FGF14: variants seen among roughly 807,000 people sequenced by gnomAD.
The protein encoded by FGF14 is fibroblast growth factor homologous factor 4.
Under a neutral mutation model 25.5 loss-of-function variants are expected in FGF14, and 5 were observed. That is an observed-to-expected ratio of 0.20 (90% CI 0.10 to 0.41). The LOEUF (loss-of-function observed/expected upper bound fraction) is 0.41. FGF14 is among the 10% of genes least tolerant of loss of function. The pLI is 1.00. For missense variants in FGF14, 222 were observed against 320.1 expected, an observed-to-expected ratio of 0.69 and a Z score of 2.34; for synonymous variants, 138 against 118.3, an observed-to-expected ratio of 1.17 and a Z score of -1.08.
intron 3 of FGF14, among the ~76,000 whole-genome samples, chr13:101,793,885 A>G (rs906985314): frequency 1.3e-5 from 2 of 152,076 alleles, no homozygotes; most frequent in Admixed American, 1.3e-4. Flanking sequence ...CTATATATAT[A>G]TTAGTGAGAC....
At chr13:102,070,956 A>AACAC (rs56002219) in intron 1 of FGF14, among the ~76,000 whole-genome samples, 41 of 148,896 alleles carry the variant, frequency 2.8e-4, no homozygotes, top group East Asian at 9.8e-4. Context: ...AACAAAACAA[A>AACAC]ACACACACAC....
At position 101,721,220 on chromosome 13, in the gene FGF14, A is replaced by C. The variant is rs1223075023; in HGVS notation, c.*1611T>G. 6.6e-6 allele frequency: 1 copy of C among 152,080 alleles called. No homozygotes were observed. Among genetic ancestry groups the C allele is most frequent in the Non-Finnish European group, 1.5e-5 (1 of 67,960 alleles). The allele number at this position is 152,080 out of a possible 1,614,324, so 9.4% of individuals were successfully genotyped here. A position where few individuals can be genotyped will look rare whatever the true frequency, so the allele number is the denominator to read the frequency against. ...ACACAGAGTTAACAAATAAATTCCC[A>C]AACAGTTTAGTATGAAACATTTTGA... On this transcript the variant is annotated 3_prime_UTR_variant, in exon 5 of 5. Transcript: ENST00000376143.
At position 101,937,399 on chromosome 13, in the gene FGF14, C is replaced by T. The variant is rs948224370; in HGVS notation, c.209-62103G>A. Among the ~76,000 whole-genome samples the T allele has an allele frequency of 7.2e-5, 11 of 152,002 alleles. 1 individual carries two copies. Among genetic ancestry groups the T allele is most frequent in the Admixed American group, 2.6e-4 (4 of 15,258 alleles). Reference sequence around the variant, plus strand: ...GTCCTACTGTAATCTGACTGGTGTTCACATTAAAGGAAATCTGGACACACA... The same window carrying T: ...GTCCTACTGTAATCTGACTGGTGTTTACATTAAAGGAAATCTGGACACACA... On this transcript the variant is annotated intron_variant, in intron 1 of 4. Transcript: ENST00000376131.
At chr13:102,167,556 G>A (rs1024242026) in intron 1 of FGF14, among the ~76,000 whole-genome samples, 1 of 152,036 alleles carries the variant, frequency 6.6e-6, no homozygotes, top group African/African-American at 2.4e-5. Context: ...ACTGGGTATA[G>A]GAAGTATAGG....
chr13:101,767,853 A>T (rs922950592), intron 3 of FGF14, among the ~76,000 whole-genome samples: 1 of 152,198 alleles, frequency 6.6e-6, no homozygotes, highest in African/African-American at 2.4e-5. Context: ...TGAGAGAAAC[A>T]ATTACTTTTT....
chr13:101,830,946 C>T (rs2042640397), intron 3 of FGF14, among the ~76,000 whole-genome samples: 1 of 152,068 alleles, frequency 6.6e-6, no homozygotes, highest in Non-Finnish European at 1.5e-5. Context: ...CACTCCGATC[C>T]TCTTCTGCTT....
chr13:102,175,286 G>C (rs1184951094), intron 1 of FGF14, among the ~76,000 whole-genome samples: 1 of 152,034 alleles, frequency 6.6e-6, no homozygotes, highest in Non-Finnish European at 1.5e-5. Flanking sequence ...TAGAAACAAA[G>C]CCACCTACCT....
chr13:101,896,731 C>G (rs2138944452), intron 1 of FGF14, among the ~76,000 whole-genome samples: 1 of 152,250 alleles, frequency 6.6e-6, no homozygotes. Flanking sequence ...ACATGTATAT[C>G]TGTGTGTGTG....
intron 3 of FGF14, among the ~76,000 whole-genome samples, chr13:101,854,674 A>G (rs1041983247): frequency 6.6e-6 from 1 of 152,078 alleles, no homozygotes; most frequent in Non-Finnish European, 1.5e-5. Context: ...TCAGAGGCCC[A>G]TATGCTTAAA....
At chr13:101,968,702 A>G (rs1464959843) in intron 1 of FGF14, among the ~76,000 whole-genome samples, 2 of 151,610 alleles carry the variant, frequency 1.3e-5, no homozygotes, top group Non-Finnish European at 2.9e-5. Flanking sequence ...CTCAATATCA[A>G]TATTTCCTGT....
At position 101,854,301 on chromosome 13, in the gene FGF14, T is replaced by A. The variant is rs527583971; in HGVS notation, c.408+14424A>T. Among the ~76,000 whole-genome samples, 85 of 152,188 alleles carry A rather than the reference T, an allele frequency of 5.6e-4. 4 individuals are homozygous for A. In the South Asian group the frequency reaches 0.017, roughly 31 times the overall value. On this transcript the variant is annotated intron_variant, in intron 3 of 4. Coordinates refer to ENST00000376143, the MANE Select transcript of FGF14 (RefSeq NM_004115.4). ...GTCTTCCTAAGATTTCTAAGAGTGA[T>A]CCCAAAGTATATAAGAGAATAGAAA... is the stretch of plus-strand genomic sequence containing the variant.
At chr13:102,272,747 A>C (rs935355597) in intron 1 of FGF14, among the ~76,000 whole-genome samples, 1 of 152,166 alleles carries the variant, frequency 6.6e-6, no homozygotes, top group Non-Finnish European at 1.5e-5. Context: ...GATCGTATAG[A>C]TATTGAGTGA....
intron 1 of FGF14, among the ~76,000 whole-genome samples, chr13:102,177,481 G>C (rs1400951430): frequency 1.3e-5 from 2 of 152,088 alleles, no homozygotes; most frequent in South Asian, 2.1e-4. Context: ...TTCTTTCCAA[G>C]GAAAATCATC....
chr13:101,781,128 T>C (rs564630036), intron 3 of FGF14, among the ~76,000 whole-genome samples: 2 of 124,564 alleles, frequency 1.6e-5, no homozygotes, highest in Non-Finnish European at 3.4e-5. Context: ...TGCTCTCTCT[T>C]TGTCTTTGTC....
chr13:101,747,840 T>A (rs2036987328), intron 3 of FGF14, among the ~76,000 whole-genome samples: 1 of 151,916 alleles, frequency 6.6e-6, no homozygotes, highest in South Asian at 2.1e-4. Context: ...AAAGAAGACA[T>A]ACAAATGGCC....
intron 1 of FGF14, among the ~76,000 whole-genome samples, chr13:102,377,973 C>T (rs1728238289): frequency 6.6e-6 from 1 of 152,164 alleles, no homozygotes; most frequent in Non-Finnish European, 1.5e-5. Flanking sequence ...ATCAAGAACT[C>T]GTTAGGCCTA....
chr13:101,985,326 G>T (rs553688079), intron 1 of FGF14, among the ~76,000 whole-genome samples: 2 of 151,962 alleles, frequency 1.3e-5, no homozygotes, highest in Admixed American at 6.6e-5. Context: ...TTTAGAAAAA[G>T]AAGAGTTATA....
At chr13:101,868,347 C>A in intron 3 of FGF14, 1 of 202,306 alleles carries the variant, frequency 4.9e-6, no homozygotes, top group Non-Finnish European at 1.0e-5. Flanking sequence ...TGAATTCTTA[C>A]TTTAGAAAAT....
rs1382014343 is a variant in FGF14, at chr13:102,011,288, A to C, written c.209-135992T>G. ...CTGGAGCTTCCAACAAAATGTACCC[A>C]ATATATTAAAAAACTGATCTACAAT... On this transcript the variant is annotated intron_variant, in intron 1 of 4. Transcript: ENST00000376131. Among the ~76,000 whole-genome samples the C allele has an allele frequency of 7.2e-5, 11 of 152,242 alleles. No homozygotes were observed. In the South Asian group the frequency reaches 2.3e-3, roughly 32 times the overall value.
Sources: allele counts gnomAD v4.1 joint callset (sites outside exome capture counted in the v4.1 genomes callset), GRCh38; gene constraint gnomAD v4.1.1; transcripts MANE v1.5; gene names NCBI Gene and HGNC (gene_info 2026-07-23, HGNC 2026-07-21).